Variants in FBLIM1 observed in about 807,000 individuals in gnomAD.
The protein encoded by FBLIM1 is filamin binding LIM protein 1.
Under a neutral mutation model 37.4 loss-of-function variants are expected in FBLIM1, and 29 were observed. That is an observed-to-expected ratio of 0.77 (90% CI 0.58 to 1.06). The LOEUF is 1.06. FBLIM1 is among the 50% of genes least tolerant of loss of function. The probability of loss-of-function intolerance (pLI) is 0.00; values close to 1 mark genes in which losing one functional copy is unlikely to be tolerated. For missense variants in FBLIM1, 449 were observed against 505.6 expected, an observed-to-expected ratio of 0.89 and a Z score of 1.07; for synonymous variants, 193 against 199.0, an observed-to-expected ratio of 0.97 and a Z score of 0.25.
rs531656044 is a variant in FBLIM1, at chr1:15,781,770, G to A, written c.1009-2778G>A. Among the ~76,000 whole-genome samples, 576 of 146,088 alleles carry A rather than the reference G, an allele frequency of 3.9e-3. 4 individuals carry two copies. Among genetic ancestry groups the A allele is most frequent in the Admixed American group, 8.3e-3 (120 of 14,476 alleles). On this transcript the variant is annotated intron_variant, in intron 8 of 8. Transcript: ENST00000375766. ...GTCTCGCTCTGTCGCCCAGGCTGGA[G>A]TGCAGTGGTGCAATCTCGGCTCACT...
intron 5 of FBLIM1, 76 bp downstream of exon 5, chr1:15,768,706 A>ACTCTCTTG: frequency 8.8e-7 from 1 of 1,136,880 alleles, no homozygotes; most frequent in Non-Finnish European, 1.2e-6. Context: ...AAACCAAGAG[A>ACTCTCTTG]GTGAGGACCC....
upstream of FBLIM1, among the ~76,000 whole-genome samples, chr1:15,757,151 T>G (rs2068462303): frequency 6.6e-6 from 1 of 152,136 alleles, no homozygotes; most frequent in African/African-American, 2.4e-5. The surrounding 1 kb of genome is among the most constrained non-coding windows in gnomAD (Gnocchi z 4.1). Flanking sequence ...GAGCAGGGAC[T>G]CAGACAGCCT....
intron 8 of FBLIM1, among the ~76,000 whole-genome samples, chr1:15,781,157 A>AG (rs557274045): frequency 1.2e-3 from 180 of 152,160 alleles, no homozygotes; most frequent in Middle Eastern, 6.8e-3. Context: ...CAAGAGATGG[A>AG]GACCATCCTG....
upstream of FBLIM1, chr1:15,758,254 C>T (rs1041046666): frequency 9.8e-5 from 15 of 152,334 alleles, no homozygotes; most frequent in African/African-American, 2.4e-4. This position sits in a 1 kb window ranked among gnomAD's most constrained non-coding sequence, Gnocchi z 6.2. Context: ...GTGACTGCTC[C>T]GGGTCTCACG....
chr1:15,762,868 G>A (rs1244347916), intron 1 of FBLIM1, among the ~76,000 whole-genome samples: 11 of 152,200 alleles, frequency 7.2e-5, no homozygotes, highest in Admixed American at 6.5e-4. Context: ...ATCGGGGGGT[G>A]CCTTGTGGAA....
At position 15,770,403 on chromosome 1, in the gene FBLIM1, C is replaced by A; in HGVS notation, c.542-6C>A. 1 of 1,611,688 alleles carries A rather than the reference C, an allele frequency of 6.2e-7. No individual in the cohort carries two copies. The highest frequency in any genetic ancestry group is 1.1e-5 in the South Asian group (1 of 90,966). On this transcript the variant is annotated splice_region_variant and splice_polypyrimidine_tract_variant and intron_variant, in intron 5 of 8. Transcript: ENST00000375766. ...CTGGTGATGGCCTGTGTCTCCCCTA[C>A]CCCAGACATCTGTGCCTTCTGCCAC...
At chr1:15,776,194 T>C (rs1259259764) in intron 7 of FBLIM1, among the ~76,000 whole-genome samples, 2 of 149,080 alleles carry the variant, frequency 1.3e-5, no homozygotes, top group East Asian at 2.0e-4. Flanking sequence ...AAGGCAGAGG[T>C]TGCAGTGAGC....
rs1225089095 is a variant in FBLIM1, at chr1:15,764,970, C to T, written c.-14C>T. The T allele has an allele frequency of 5.0e-6, 8 of 1,608,306 alleles. No homozygotes were observed. The highest frequency in any genetic ancestry group is 6.8e-6 in the Non-Finnish European group (8 of 1,177,292). On this transcript the variant is annotated 5_prime_UTR_variant, in exon 3 of 9. Coordinates refer to ENST00000375766, the MANE Select transcript of FBLIM1 (RefSeq NM_017556.4). ...TACCCCACTCTGTCCCTAGCCACAC[C>T]AGGAGCTGAAGCCATGGCCTCAAAG... is the stretch of plus-strand genomic sequence containing the variant.
intron 8 of FBLIM1, among the ~76,000 whole-genome samples, chr1:15,780,999 C>T (rs1298076433): frequency 6.6e-6 from 1 of 152,096 alleles, no homozygotes; most frequent in South Asian, 2.1e-4. Context: ...AATAAACCCC[C>T]CCGGTAGTCC....
At chr1:15,779,279 C>A (rs1342237276) in intron 8 of FBLIM1, among the ~76,000 whole-genome samples, 1 of 151,404 alleles carries the variant, frequency 6.6e-6, no homozygotes, top group Non-Finnish European at 1.5e-5. Context: ...TAGAAATTGT[C>A]TCTTTTAAAT....
chr1:15,767,833 T>C (rs915011554), intron 4 of FBLIM1, among the ~76,000 whole-genome samples: 2 of 152,170 alleles, frequency 1.3e-5, no homozygotes, highest in African/African-American at 4.8e-5. Flanking sequence ...GGAAGACGTT[T>C]CCCTGAGTCC....
chr1:15,783,677 G>T (rs917373807), intron 8 of FBLIM1, among the ~76,000 whole-genome samples: 2 of 143,796 alleles, frequency 1.4e-5, no homozygotes, highest in African/African-American at 5.2e-5. Context: ...CCGGGTTCAC[G>T]CCATTCTCCT....
chr1:15,774,481 T>C (rs1395081855), intron 6 of FBLIM1, 137 bp from the exon 7 acceptor site: 1 of 1,116,904 alleles, frequency 9.0e-7, no homozygotes, highest in Admixed American at 2.9e-5. Flanking sequence ...TTTTGGGCGA[T>C]AGTTACAGGT....
At position 15,775,034 on chromosome 1, in the gene FBLIM1, T is replaced by C. The variant is rs552154748; in HGVS notation, c.890+238T>C. ...GAGATCGAGATCATCCTGGCTAACA[T>C]GGTGAAACCCCGTCTCTACTAAAAA... On this transcript the variant is annotated intron_variant, in intron 7 of 8. Coordinates refer to ENST00000375766, the MANE Select transcript of FBLIM1 (RefSeq NM_017556.4). 112 of 781,246 alleles carry C rather than the reference T, an allele frequency of 1.4e-4. No homozygotes were observed. In the African/African-American group the frequency reaches 1.7e-3, roughly 12 times the overall value. 48.4% of individuals were successfully genotyped at this position (781,246 alleles called of 1,614,324 possible).
chr1:15,782,403 A>T (rs2069666160), intron 8 of FBLIM1, among the ~76,000 whole-genome samples: 1 of 147,064 alleles, frequency 6.8e-6, no homozygotes, highest in Admixed American at 6.8e-5. Context: ...GTGAGACTCT[A>T]TCTTAAAAAA....
chr1:15,782,217 G>A (rs983325891), intron 8 of FBLIM1, among the ~76,000 whole-genome samples: 5 of 151,370 alleles, frequency 3.3e-5, no homozygotes, highest in Admixed American at 3.3e-4. Flanking sequence ...TTCGAAGCCA[G>A]CCTGCGCAGT....
At chr1:15,763,787 C>T (rs957647423) in intron 1 of FBLIM1, among the ~76,000 whole-genome samples, 61 of 151,882 alleles carry the variant, frequency 4.0e-4, no homozygotes, top group Non-Finnish European at 1.0e-4. Context: ...TTACAGGTGC[C>T]CACCACCACG....
chr1:15,776,674 C>G (rs2069498952), intron 7 of FBLIM1, among the ~76,000 whole-genome samples: 1 of 58,148 alleles, frequency 1.7e-5, no homozygotes. Context: ...ACCAGCCTGA[C>G]CAACATGGTG....
At chr1:15,783,877 C>T (rs954792516) in intron 8 of FBLIM1, among the ~76,000 whole-genome samples, 7 of 152,148 alleles carry the variant, frequency 4.6e-5, no homozygotes, top group Non-Finnish European at 7.3e-5. Context: ...CCACCGCGCC[C>T]GCCCAGAATT....
Sources: allele counts gnomAD v4.1 joint callset (sites outside exome capture counted in the v4.1 genomes callset), GRCh38; gene constraint gnomAD v4.1.1; non-coding constraint Gnocchi (gnomAD v3.1); transcripts MANE v1.5; gene names NCBI Gene and HGNC (gene_info 2026-07-23, HGNC 2026-07-21).